The following FHIT variants were observed in gnomAD, a reference collection of about 807,000 sequenced individuals.
FHIT encodes the protein bis(5'-adenosyl)-triphosphatase.
Under a neutral mutation model 17.9 loss-of-function variants are expected in FHIT, and 19 were observed. The ratio of observed to expected loss-of-function variants is 1.06; its 90% CI spans 0.74 to 1.56. The LOEUF (loss-of-function observed/expected upper bound fraction) is 1.56, where lower values mean the gene tolerates loss of function less well. Ranked by LOEUF, FHIT falls within the 40% of genes most tolerant of loss-of-function variation. The pLI, the probability that FHIT is intolerant of heterozygous loss-of-function variation, is 0.00. For synonymous variants in FHIT, 81 were observed against 69.7 expected, an observed-to-expected ratio of 1.16 and a Z score of -0.81; for missense variants, 248 against 189.2, an observed-to-expected ratio of 1.31 and a Z score of -1.82.
At chr3:59,903,548 A>T (rs921742487) in intron 8 of FHIT, among the ~76,000 whole-genome samples, 1 of 152,220 alleles carries the variant, frequency 6.6e-6, no homozygotes, top group Non-Finnish European at 1.5e-5. Context: ...CCTGCATTTT[A>T]AAAATGCAGT....
intron 5 of FHIT, among the ~76,000 whole-genome samples, chr3:60,422,806 G>T (rs906514352): frequency 1.3e-5 from 2 of 151,880 alleles, no homozygotes; most frequent in African/African-American, 4.8e-5. Flanking sequence ...ACTTTCTCAT[G>T]GCTTTCCATC....
chr3:59,909,818 T>C (rs1704781458), intron 8 of FHIT, among the ~76,000 whole-genome samples: 1 of 152,228 alleles, frequency 6.6e-6, no homozygotes, highest in Admixed American at 6.5e-5. Flanking sequence ...TCTTAAAAAG[T>C]GACCCCTGAT....
intron 5 of FHIT, among the ~76,000 whole-genome samples, chr3:60,510,479 T>C (rs1471821420): frequency 1.3e-5 from 2 of 152,334 alleles, no homozygotes; most frequent in Non-Finnish European, 2.9e-5. Flanking sequence ...CTGCTGAGTA[T>C]AATGGACCTA....
intron 3 of FHIT, among the ~76,000 whole-genome samples, chr3:60,978,743 T>A (rs1710367886): frequency 6.6e-6 from 1 of 152,210 alleles, no homozygotes. Context: ...ACATTCATTA[T>A]GAAATGAATG....
chr3:59,864,658 T>A (rs1056317051), intron 8 of FHIT, among the ~76,000 whole-genome samples: 2 of 151,732 alleles, frequency 1.3e-5, no homozygotes, highest in African/African-American at 4.8e-5. Flanking sequence ...TGCAGTTTCT[T>A]TGTTCTCATG....
At chr3:59,850,295 C>G (rs950955002) in intron 8 of FHIT, among the ~76,000 whole-genome samples, 1 of 152,174 alleles carries the variant, frequency 6.6e-6, no homozygotes, top group Admixed American at 6.5e-5. Flanking sequence ...TTTGAACAGA[C>G]AACTTTACCT....
chr3:60,138,958 C>T lies in FHIT; in HGVS notation c.104-124806G>A, dbSNP rs147520009. On this transcript the variant is annotated intron_variant, in intron 5 of 9. Coordinates refer to ENST00000492590, the MANE Select transcript of FHIT (RefSeq NM_002012.4). ...AGCAACAAAATAAACGCTCTATCCA[C>T]TGCTTCTCAGTGGCCCTTCACTGAG... is the stretch of plus-strand genomic sequence containing the variant. 1.1e-4 allele frequency among the ~76,000 whole-genome samples: 16 copies of T among 152,296 alleles called. No individual in the cohort carries two copies. In the East Asian group the frequency reaches 2.1e-3, roughly 20 times the overall value.
At chr3:60,633,513 T>C (rs2039501505) in intron 4 of FHIT, among the ~76,000 whole-genome samples, 1 of 152,200 alleles carries the variant, frequency 6.6e-6, no homozygotes, top group African/African-American at 2.4e-5. Flanking sequence ...TATAAAATCA[T>C]GGATCAAAAC....
At chr3:60,791,028 CT>C (rs1700759582) in intron 4 of FHIT, among the ~76,000 whole-genome samples, 1 of 152,208 alleles carries the variant, frequency 6.6e-6, no homozygotes, top group South Asian at 2.1e-4. Context: ...CTCAAAGACT[CT>C]TTTTAGACAA....
intron 4 of FHIT, among the ~76,000 whole-genome samples, chr3:60,658,653 A>G (rs964093511): frequency 1.3e-5 from 2 of 152,150 alleles, no homozygotes; most frequent in Non-Finnish European, 2.9e-5. Flanking sequence ...GATATTTTAA[A>G]AGATGTATTA....
intron 3 of FHIT, among the ~76,000 whole-genome samples, chr3:61,009,041 C>A (rs2107619065): frequency 6.6e-6 from 1 of 152,194 alleles, no homozygotes; most frequent in South Asian, 2.1e-4. Flanking sequence ...AAACATTGCC[C>A]AATAATTGTG....
At chr3:59,960,590 G>C (rs1393291846) in intron 7 of FHIT, among the ~76,000 whole-genome samples, 1 of 152,158 alleles carries the variant, frequency 6.6e-6, no homozygotes, top group African/African-American at 2.4e-5. Context: ...TTTATAGCTA[G>C]AAATGGTTGA....
At chr3:59,836,520 A>G (rs1480906485) in intron 8 of FHIT, among the ~76,000 whole-genome samples, 1 of 152,192 alleles carries the variant, frequency 6.6e-6, no homozygotes. Context: ...ACCTCTGCAC[A>G]TGCCATATGA....
Position 60,726,494 on chromosome 3 carries a change from C to T in FHIT, c.-18+95425G>A, listed in dbSNP as rs114267558. On this transcript the variant is annotated intron_variant, in intron 4 of 9. Coordinates refer to ENST00000492590, the MANE Select transcript of FHIT (RefSeq NM_002012.4). ...CAACTTGATCTTGGGAGTGTTTTCC[C>T]AGATGGGTAGTGGGCTGAGTCTGGT... 2.2e-3 allele frequency among the ~76,000 whole-genome samples: 339 copies of T among 152,158 alleles called. 1 individual carries two copies. Among genetic ancestry groups the T allele is most frequent in the African/African-American group, 7.8e-3 (324 of 41,536 alleles).
chr3:59,964,075 T>A (rs764258713), intron 7 of FHIT, among the ~76,000 whole-genome samples: 19 of 152,340 alleles, frequency 1.2e-4, no homozygotes, highest in Admixed American at 3.9e-4. Context: ...CTGCATGGAA[T>A]GACGTTTTAA....
intron 4 of FHIT, among the ~76,000 whole-genome samples, chr3:60,741,838 C>G (rs1380144198): frequency 6.6e-6 from 1 of 152,186 alleles, no homozygotes; most frequent in Non-Finnish European, 1.5e-5. Flanking sequence ...TGATTTATTT[C>G]AGTGTGGTAT....
intron 5 of FHIT, among the ~76,000 whole-genome samples, chr3:60,154,349 G>A (rs886213537): frequency 6.6e-6 from 1 of 152,106 alleles, no homozygotes; most frequent in Non-Finnish European, 1.5e-5. Context: ...AACCAAACAG[G>A]CCATGGTAGG....
intron 3 of FHIT, among the ~76,000 whole-genome samples, chr3:60,834,335 T>C (rs1553743323): frequency 6.6e-6 from 1 of 152,254 alleles, no homozygotes; most frequent in East Asian, 1.9e-4. Flanking sequence ...GTGGTTTTGA[T>C]TTGCATTTCC....
chr3:60,104,067 G>A (rs1411929512), intron 5 of FHIT, among the ~76,000 whole-genome samples: 1 of 152,180 alleles, frequency 6.6e-6, no homozygotes, highest in East Asian at 1.9e-4. Flanking sequence ...ATTTTGAGAA[G>A]AGTGAGGAAG....
Sources: allele counts gnomAD v4.1 joint callset (sites outside exome capture counted in the v4.1 genomes callset), GRCh38; gene constraint gnomAD v4.1.1; transcripts MANE v1.5; gene names NCBI Gene and HGNC (gene_info 2026-07-23, HGNC 2026-07-21).